The following NSMCE2 variants were observed in gnomAD, a reference collection of about 807,000 sequenced individuals.
NSMCE2 encodes NSE2 SUMO ligase component of SMC5/6 complex, also known as E3 SUMO-protein ligase NSE2.
NSMCE2 carries 24 observed loss-of-function variants against 23.8 expected under a neutral mutation model. That is an observed-to-expected ratio of 1.01 (90% CI 0.73 to 1.42). The LOEUF (loss-of-function observed/expected upper bound fraction) is 1.42. NSMCE2 is among the 40% of genes most tolerant of loss of function. The probability of loss-of-function intolerance (pLI) is 0.00; values close to 1 mark genes in which losing one functional copy is unlikely to be tolerated. For synonymous variants in NSMCE2, 92 were observed against 94.1 expected (o/e 0.98, Z 0.13); for missense variants, 284 against 296.5 (o/e 0.96, Z 0.31).
chr8:125,254,301 G>T (rs1826319722), intron 5 of NSMCE2, among the ~76,000 whole-genome samples: 1 of 152,132 alleles, frequency 6.6e-6, no homozygotes, highest in South Asian at 2.1e-4. Flanking sequence ...TAGGATTTGA[G>T]TCATTAGTGT....
intron 1 of NSMCE2, among the ~76,000 whole-genome samples, chr8:125,094,147 G>T (rs558026459): frequency 6.6e-6 from 1 of 152,146 alleles, no homozygotes; most frequent in South Asian, 2.1e-4. Flanking sequence ...GGGTATGAAG[G>T]GGAGAAGGAA....
At chr8:125,350,643 AAGAG>A (rs538026530) in intron 5 of NSMCE2, among the ~76,000 whole-genome samples, 2 of 152,108 alleles carry the variant, frequency 1.3e-5, no homozygotes, top group East Asian at 3.8e-4. Context: ...CTGGCAGGCA[AAGAG>A]AGAGAGAGCT....
At position 125,260,490 on chromosome 8, in the gene NSMCE2, C is replaced by T. The variant is rs1483577182; in HGVS notation, c.418+78234C>T. Reference sequence around the variant, plus strand: ...CACTAGATCTGGGTTCTAGCCCTCCCTGCTGGCTCCCTCACTTAGTGGACG... The same window carrying T: ...CACTAGATCTGGGTTCTAGCCCTCCTTGCTGGCTCCCTCACTTAGTGGACG... On this transcript the variant is annotated intron_variant, in intron 5 of 7. Transcript: ENST00000287437. Among the ~76,000 whole-genome samples, 9 of 150,568 alleles carry T rather than the reference C, an allele frequency of 6.0e-5. No individual in the cohort carries two copies. In the East Asian group the frequency reaches 1.7e-3, roughly 29 times the overall value.
At chr8:125,257,236 A>T (rs1001965957) in intron 5 of NSMCE2, among the ~76,000 whole-genome samples, 1 of 151,352 alleles carries the variant, frequency 6.6e-6, no homozygotes, top group Admixed American at 6.6e-5. Flanking sequence ...GTGAGCTGAG[A>T]TTGTGTCACT....
intron 4 of NSMCE2, among the ~76,000 whole-genome samples, chr8:125,165,566 A>G (rs990233281): frequency 6.6e-6 from 1 of 152,182 alleles, no homozygotes; most frequent in Admixed American, 6.5e-5. Context: ...AGTATTATCT[A>G]TTTGCAGACT....
rs73704533 is a variant in NSMCE2, at chr8:125,106,093, C to T, written c.157+3606C>T. ...ACACATTTTAACTAATACCAGGAGTCAAAATAACAAAGTAGTCAACATAAA... is the reference window on the plus strand; with the variant it reads ...ACACATTTTAACTAATACCAGGAGTTAAAATAACAAAGTAGTCAACATAAA... On this transcript the variant is annotated intron_variant, in intron 3 of 7. Coordinates refer to ENST00000287437, the MANE Select transcript of NSMCE2 (RefSeq NM_173685.4). Among the ~76,000 whole-genome samples the T allele has an allele frequency of 3.8e-3, 577 of 151,482 alleles. 7 individuals are homozygous for T. Among genetic ancestry groups the T allele is most frequent in the African/African-American group, 0.013 (552 of 41,246 alleles).
chr8:125,357,688 A>C (rs757578663), intron 6 of NSMCE2, 24 bp from the exon 7 acceptor site: 24 of 1,546,424 alleles, frequency 1.6e-5, no homozygotes, highest in Non-Finnish European at 2.1e-5. Context: ...CATTCCTGAA[A>C]GCCCAACATC....
At chr8:125,213,244 C>G (rs1001958976) in intron 5 of NSMCE2, among the ~76,000 whole-genome samples, 36 of 152,080 alleles carry the variant, frequency 2.4e-4, no homozygotes, top group Admixed American at 1.4e-3. Context: ...TGAATCGTGC[C>G]ATTGGAAAAT....
At chr8:125,312,915 A>G (rs1485198764) in intron 5 of NSMCE2, among the ~76,000 whole-genome samples, 1 of 152,160 alleles carries the variant, frequency 6.6e-6, no homozygotes, top group African/African-American at 2.4e-5. Context: ...GAGAGCACAG[A>G]GAAGAACTCA....
At chr8:125,136,353 T>A (rs1035925441) in intron 3 of NSMCE2, among the ~76,000 whole-genome samples, 5 of 152,172 alleles carry the variant, frequency 3.3e-5, no homozygotes, top group Non-Finnish European at 7.3e-5. Flanking sequence ...TTAAGGCAGC[T>A]ATAGTTGGAA....
chr8:125,265,040 A>G (rs1445093904), intron 5 of NSMCE2, among the ~76,000 whole-genome samples: 1 of 152,102 alleles, frequency 6.6e-6, no homozygotes, highest in African/African-American at 2.4e-5. Flanking sequence ...GTAATCAAGT[A>G]ATATTTTATG....
At chr8:125,173,174 T>TG (rs1239537749) in intron 4 of NSMCE2, among the ~76,000 whole-genome samples, 1 of 152,242 alleles carries the variant, frequency 6.6e-6, no homozygotes, top group Non-Finnish European at 1.5e-5. Flanking sequence ...AGTTCAGAAT[T>TG]GCTAGGTTGC....
chr8:125,342,535 A>G (rs1830288190), intron 5 of NSMCE2, among the ~76,000 whole-genome samples: 1 of 152,140 alleles, frequency 6.6e-6, no homozygotes, highest in Non-Finnish European at 1.5e-5. Flanking sequence ...GCTTAGAGGC[A>G]AGGACTTTGT....
At chr8:125,226,866 T>G (rs1825119259) in intron 5 of NSMCE2, among the ~76,000 whole-genome samples, 1 of 152,072 alleles carries the variant, frequency 6.6e-6, no homozygotes, top group African/African-American at 2.4e-5. Context: ...TTTCCTCTTT[T>G]CTCTCCCCGT....
chr8:125,333,804 C>T (rs1211176069), intron 5 of NSMCE2, among the ~76,000 whole-genome samples: 1 of 152,070 alleles, frequency 6.6e-6, no homozygotes, highest in Non-Finnish European at 1.5e-5. Flanking sequence ...TGAGCCACCG[C>T]GCCCGGCCTT....
intron 5 of NSMCE2, among the ~76,000 whole-genome samples, chr8:125,347,441 A>G (rs533110556): frequency 6.6e-5 from 10 of 152,312 alleles, no homozygotes; most frequent in African/African-American, 9.6e-5. Context: ...CAAAATGTAT[A>G]TATTTCACTG....
At chr8:125,291,122 G>T (rs1223113886) in intron 5 of NSMCE2, among the ~76,000 whole-genome samples, 2 of 152,170 alleles carry the variant, frequency 1.3e-5, no homozygotes, top group African/African-American at 2.4e-5. Context: ...AAAAGGGGGA[G>T]AGGGGTAAAG....
chr8:125,103,938 T>C (rs946229655), intron 3 of NSMCE2, among the ~76,000 whole-genome samples: 16 of 152,092 alleles, frequency 1.1e-4, no homozygotes, highest in Non-Finnish European at 5.9e-5. Flanking sequence ...CCTTGTATGT[T>C]AATTCTGTCA....
intron 5 of NSMCE2, among the ~76,000 whole-genome samples, chr8:125,318,658 C>G (rs1404753740): frequency 6.6e-6 from 1 of 152,082 alleles, no homozygotes. Context: ...AACTTCCCTC[C>G]TAAAATAACA....
Sources: allele counts gnomAD v4.1 joint callset (sites outside exome capture counted in the v4.1 genomes callset), GRCh38; gene constraint gnomAD v4.1.1; transcripts MANE v1.5; gene names NCBI Gene and HGNC (gene_info 2026-07-23, HGNC 2026-07-21).